The following AUTS2 variants were observed in gnomAD, a reference collection of about 807,000 sequenced individuals.
The protein encoded by AUTS2 is activator of transcription and developmental regulator AUTS2.
In AUTS2, 17 loss-of-function variants were observed where a neutral mutation model predicts 112.4. The observed-to-expected ratio is 0.15, with a 90% CI of 0.10 to 0.23. The LOEUF (loss-of-function observed/expected upper bound fraction) is 0.23, where lower values mean the gene tolerates loss of function less well. Among genes scored for constraint, AUTS2 ranks in the 10% least tolerant of loss-of-function variants. AUTS2 has a pLI of 1.00. For missense variants in AUTS2, 1,510 were observed against 1,701.6 expected, an observed-to-expected ratio of 0.89 and a Z score of 1.98; for synonymous variants, 751 against 702.7, an observed-to-expected ratio of 1.07 and a Z score of -1.09.
intron 4 of AUTS2, among the ~76,000 whole-genome samples, chr7:70,272,549 G>T (rs1787744076): frequency 6.6e-6 from 1 of 151,928 alleles, no homozygotes; most frequent in South Asian, 2.1e-4. Flanking sequence ...ACCTATTACT[G>T]TTTAGTCTCT....
chr7:70,270,404 T>G (rs993149669), intron 4 of AUTS2, among the ~76,000 whole-genome samples: 3 of 151,834 alleles, frequency 2.0e-5, no homozygotes, highest in African/African-American at 7.3e-5. Flanking sequence ...TGTGGAAAAA[T>G]TGGTGTGGTA....
intron 2 of AUTS2, among the ~76,000 whole-genome samples, chr7:69,947,408 G>A (rs1796857587): frequency 6.6e-6 from 1 of 152,172 alleles, no homozygotes; most frequent in Non-Finnish European, 1.5e-5. Context: ...AATCCTAAAT[G>A]ATTACTAAAT....
intron 1 of AUTS2, among the ~76,000 whole-genome samples, chr7:69,797,520 T>C (rs1789898929): frequency 6.6e-6 from 1 of 152,148 alleles, no homozygotes; most frequent in Non-Finnish European, 1.5e-5. Context: ...GTTTTAGATA[T>C]GCAGGAAAAT....
intron 2 of AUTS2, among the ~76,000 whole-genome samples, chr7:69,918,631 C>T (rs1029110504): frequency 6.6e-6 from 1 of 152,142 alleles, no homozygotes; most frequent in African/African-American, 2.4e-5. Flanking sequence ...TTTATATTGG[C>T]TTATTTTTTA....
chr7:70,772,313 A>G (rs75990240), intron 11 of AUTS2, among the ~76,000 whole-genome samples: 2,097 of 152,340 alleles, frequency 0.014, 24 homozygotes, highest in South Asian at 0.027. Context: ...TAAAAATCAA[A>G]TTCTGTTCTA....
intron 3 of AUTS2, among the ~76,000 whole-genome samples, chr7:70,129,895 T>G (rs1439447342): frequency 6.9e-6 from 1 of 145,808 alleles, no homozygotes; most frequent in South Asian, 2.2e-4. Context: ...AATATATATA[T>G]ATATATTGTG....
At chr7:70,758,515 A>C (rs1243525479) in intron 6 of AUTS2, among the ~76,000 whole-genome samples, 1 of 152,236 alleles carries the variant, frequency 6.6e-6, no homozygotes, top group Non-Finnish European at 1.5e-5. Flanking sequence ...ATTTACATGC[A>C]ATAAACTCAC....
At chr7:70,674,062 C>G (rs1807784327) in intron 5 of AUTS2, among the ~76,000 whole-genome samples, 1 of 152,128 alleles carries the variant, frequency 6.6e-6, no homozygotes, top group South Asian at 2.1e-4. Context: ...AGAGCACATG[C>G]TCTTCCCACT....
intron 4 of AUTS2, among the ~76,000 whole-genome samples, chr7:70,207,951 T>C (rs1018163105): frequency 1.5e-5 from 2 of 130,968 alleles, no homozygotes; most frequent in African/African-American, 6.0e-5. Context: ...GCAGAGGTTG[T>C]AGGGAGTCGA....
intron 2 of AUTS2, among the ~76,000 whole-genome samples, chr7:69,925,171 A>G (rs916717581): frequency 3.3e-5 from 5 of 152,084 alleles, no homozygotes; most frequent in African/African-American, 1.2e-4. Flanking sequence ...TCTCTGTCAT[A>G]TCAGTATGAC....
intron 2 of AUTS2, among the ~76,000 whole-genome samples, chr7:70,081,560 CA>C (rs1341150998): frequency 6.6e-6 from 1 of 151,338 alleles, no homozygotes; most frequent in African/African-American, 2.4e-5. Context: ...GACTCCATCT[CA>C]AAAAAGAAAG....
chr7:70,782,680 A>G (rs1261149697), intron 15 of AUTS2: 6 of 152,182 alleles, frequency 3.9e-5, no homozygotes, highest in African/African-American at 1.4e-4. Flanking sequence ...GCTAAGTAGA[A>G]TTTATTCTTC....
At chr7:70,116,098 G>A (rs536260640) in intron 2 of AUTS2, among the ~76,000 whole-genome samples, 2 of 152,264 alleles carry the variant, frequency 1.3e-5, no homozygotes, top group Admixed American at 1.3e-4. Flanking sequence ...TTATTCCATA[G>A]TAATAACAAA....
chr7:69,809,807 A>G (rs1017019844), intron 1 of AUTS2, among the ~76,000 whole-genome samples: 3 of 152,094 alleles, frequency 2.0e-5, no homozygotes, highest in African/African-American at 7.2e-5. Flanking sequence ...ACAATTAACA[A>G]ATATTTATTG....
chr7:69,794,300 C>T (rs1177755676), intron 1 of AUTS2, among the ~76,000 whole-genome samples: 1 of 152,018 alleles, frequency 6.6e-6, no homozygotes, highest in East Asian at 1.9e-4. Context: ...ATCAGAGCAC[C>T]CTAAAGGTAA....
intron 17 of AUTS2, 162 bp from the exon 18 acceptor site, chr7:70,787,047 T>G: frequency 1.3e-6 from 1 of 771,054 alleles, no homozygotes; most frequent in Non-Finnish European, 2.3e-6. Context: ...AGGACAAGAC[T>G]TCCTCTAATG....
At chr7:70,110,859 CTTTTTTTTTTTT>C (rs71077618) in intron 2 of AUTS2, among the ~76,000 whole-genome samples, 7 of 82,782 alleles carry the variant, frequency 8.5e-5, no homozygotes, top group Admixed American at 1.7e-4. Flanking sequence ...TTCTTTCTTT[CTTTTTTTTTTTT>C]TTTTTTTTTT....
At chr7:70,476,957 A>C (rs1797606426) in intron 5 of AUTS2, among the ~76,000 whole-genome samples, 1 of 152,228 alleles carries the variant, frequency 6.6e-6, no homozygotes, top group Non-Finnish European at 1.5e-5. Context: ...TTTAAAGTTG[A>C]AGTAGCCTCT....
intron 1 of AUTS2, among the ~76,000 whole-genome samples, chr7:69,807,065 C>T (rs1790342388): frequency 6.6e-6 from 1 of 151,972 alleles, no homozygotes; most frequent in Non-Finnish European, 1.5e-5. Flanking sequence ...TGTTGCCTCC[C>T]TAAAACTTAA....
Sources: allele counts gnomAD v4.1 joint callset (sites outside exome capture counted in the v4.1 genomes callset), GRCh38; gene constraint gnomAD v4.1.1; transcripts MANE v1.5; gene names NCBI Gene and HGNC (gene_info 2026-07-23, HGNC 2026-07-21).